HLCS: variants seen among roughly 807,000 people sequenced by gnomAD.
HLCS encodes the protein biotin--protein ligase.
HLCS carries 53 observed loss-of-function variants against 75.0 expected under a neutral mutation model. The observed-to-expected ratio is 0.71, with a 90% CI of 0.57 to 0.89. The LOEUF is 0.89. Ranked by LOEUF, HLCS falls within the 40% of genes least tolerant of loss-of-function variation. The pLI is 0.00. For synonymous variants in HLCS, 431 were observed against 428.6 expected, an observed-to-expected ratio of 1.01 and a Z score of -0.07; for missense variants, 966 against 1,074.0, an observed-to-expected ratio of 0.90 and a Z score of 1.41.
At chr21:36,833,587 A>G (rs2062292720) in intron 6 of HLCS, among the ~76,000 whole-genome samples, 1 of 120,492 alleles carries the variant, frequency 8.3e-6, no homozygotes, top group South Asian at 2.6e-4. Flanking sequence ...ACTGTCTAAA[A>G]AAAAATTATA....
In HLCS at chr21:36,936,759, A is replaced by G. The variant is rs758612587; in HGVS notation, c.1127T>C (p.Leu376Pro). The G allele has an allele frequency of 6.2e-7, 1 of 1,614,242 alleles. No homozygotes were observed. Among genetic ancestry groups the G allele is most frequent in the Non-Finnish European group, 8.5e-7 (1 of 1,180,040 alleles). Residue 376 changes from leucine (L) to proline (P), a missense_variant, in exon 4 of 11, where the codon CTG (leucine) becomes CCG (proline). Coordinates refer to ENST00000674895, the MANE Select transcript of HLCS (RefSeq NM_001352514.2). ...AAGATAGGCCATGAACTTCTGGTAC[A>G]GGTCTTCGGGAATGGACTCCCTGGT... is the stretch of plus-strand genomic sequence containing the variant. Reference protein sequence around the residue: ...IATRESIPEDLYQKFMAYLSQ... With the variant: ...IATRESIPEDPYQKFMAYLSQ...
chr21:36,769,483 CAAAAAGA>C (rs1384083784), intron 6 of HLCS, among the ~76,000 whole-genome samples: 1 of 151,962 alleles, frequency 6.6e-6, no homozygotes. Flanking sequence ...GATGTCCTTA[CAAAAAGA>C]AAAAGGAAAA....
chr21:36,871,774 A>G (rs2063778086), intron 6 of HLCS, among the ~76,000 whole-genome samples: 1 of 152,236 alleles, frequency 6.6e-6, no homozygotes, highest in South Asian at 2.1e-4. Context: ...AAGAACTTCT[A>G]CAACTCAATA....
intron 6 of HLCS, among the ~76,000 whole-genome samples, chr21:36,839,171 T>C (rs201665722): frequency 1.3e-5 from 2 of 152,214 alleles, no homozygotes; most frequent in East Asian, 3.8e-4. Context: ...CATATGAAAT[T>C]GCTGTGCAAA....
chr21:36,906,539 C>G (rs568981931), intron 5 of HLCS, among the ~76,000 whole-genome samples: 1 of 151,976 alleles, frequency 6.6e-6, no homozygotes, highest in South Asian at 2.1e-4. Flanking sequence ...CTCAAAAACA[C>G]AAAAAGAAAA....
At chr21:36,839,515 G>A (rs568338613) in intron 6 of HLCS, among the ~76,000 whole-genome samples, 1 of 152,334 alleles carries the variant, frequency 6.6e-6, no homozygotes, top group African/African-American at 2.4e-5. Context: ...AGACGGGAGA[G>A]GTGGTAGCCC....
At chr21:36,969,869 G>A (rs373684689), upstream of HLCS, among the ~76,000 whole-genome samples, 5 of 151,954 alleles carry the variant, frequency 3.3e-5, no homozygotes, top group African/African-American at 7.2e-5. Flanking sequence ...CACCGCGCCC[G>A]GTCAGACTAG....
At chr21:36,915,149 TG>T (rs2065881089) in intron 5 of HLCS, among the ~76,000 whole-genome samples, 1 of 152,246 alleles carries the variant, frequency 6.6e-6, no homozygotes, top group Non-Finnish European at 1.5e-5. Flanking sequence ...CAGGGGACTC[TG>T]GCATGGGATC....
chr21:36,949,649 G>A (rs563426245), intron 2 of HLCS, among the ~76,000 whole-genome samples: 1 of 152,338 alleles, frequency 6.6e-6, no homozygotes, highest in African/African-American at 2.4e-5. Flanking sequence ...CATCTTCAAT[G>A]CGCTGCAACA....
chr21:36,759,353 C>G (rs144598953), intron 9 of HLCS, among the ~76,000 whole-genome samples: 4 of 152,264 alleles, frequency 2.6e-5, no homozygotes, highest in Non-Finnish European at 5.9e-5. Flanking sequence ...AGGAAGGTCA[C>G]GATAAGAATG....
At chr21:36,899,776 C>T (rs2065160080) in intron 5 of HLCS, among the ~76,000 whole-genome samples, 1 of 152,124 alleles carries the variant, frequency 6.6e-6, no homozygotes, top group Non-Finnish European at 1.5e-5. Flanking sequence ...AAATTCCTGT[C>T]TTTGGAGGGT....
At chr21:36,972,136 T>A (rs904823342) in intron 1 of HLCS, 1 of 152,082 alleles carries the variant, frequency 6.6e-6, no homozygotes. Context: ...TGGATCAGCC[T>A]AAAAACAGGA....
At position 36,987,369 on chromosome 21, in the gene HLCS, TTG is replaced by T. The variant is rs902725660; in HGVS notation, c.-393+2787_-393+2788del. On this transcript the variant is annotated intron_variant, in intron 1 of 11. Coordinates refer to the HLCS transcript ENST00000336648. Reference sequence around the variant, plus strand: ...GGCTCACTCCTGTAATCCCAGCACTTTGTGAGGCTGAGGTGGGCAGATCACTT... The same window carrying T: ...GGCTCACTCCTGTAATCCCAGCACTTTGAGGCTGAGGTGGGCAGATCACTT... Among the ~76,000 whole-genome samples, 27 of 152,292 alleles carry T rather than the reference TTG, an allele frequency of 1.8e-4. 1 individual carries two copies. The highest frequency in any genetic ancestry group is 3.4e-4 in the African/African-American group (14 of 41,582).
At chr21:36,880,899 A>G (rs1321357044) in intron 6 of HLCS, among the ~76,000 whole-genome samples, 1 of 152,136 alleles carries the variant, frequency 6.6e-6, no homozygotes, top group Non-Finnish European at 1.5e-5. Context: ...ACGCCACTGT[A>G]TCATCCCCTC....
chr21:36,827,019 G>A (rs529791441), intron 6 of HLCS, among the ~76,000 whole-genome samples: 14 of 152,312 alleles, frequency 9.2e-5, no homozygotes, highest in African/African-American at 3.4e-4. Context: ...GTGCTACAAG[G>A]ATGTCTAATA....
intron 1 of HLCS, among the ~76,000 whole-genome samples, chr21:36,973,298 T>C (rs910412466): frequency 3.5e-5 from 5 of 143,076 alleles, no homozygotes; most frequent in Non-Finnish European, 3.0e-5. Context: ...ACATAACTGA[T>C]AAAGGATTCA....
At chr21:36,920,698 A>C (rs2066127296) in intron 5 of HLCS, among the ~76,000 whole-genome samples, 1 of 152,196 alleles carries the variant, frequency 6.6e-6, no homozygotes, top group Non-Finnish European at 1.5e-5. Flanking sequence ...CCGTCTACCA[A>C]GAAAAACTCA....
intron 6 of HLCS, among the ~76,000 whole-genome samples, chr21:36,890,486 G>A (rs939091999): frequency 4.6e-5 from 7 of 152,064 alleles, no homozygotes; most frequent in East Asian, 3.9e-4. Flanking sequence ...ATCAGCAAGC[G>A]GCACCCACAT....
intron 6 of HLCS, among the ~76,000 whole-genome samples, chr21:36,809,914 T>C (rs2061463647): frequency 6.6e-6 from 1 of 152,150 alleles, no homozygotes; most frequent in Non-Finnish European, 1.5e-5. Flanking sequence ...AATTTTTGTA[T>C]TTTTTGTAGA....
Sources: gnomAD v4.1 joint callset for allele counts (sites outside exome capture counted in the v4.1 genomes callset) on GRCh38, gnomAD v4.1.1 for gene constraint, MANE v1.5 for transcripts, NCBI Gene and HGNC (gene_info 2026-07-23, HGNC 2026-07-21) for gene names.